MAGI3: variants seen among roughly 807,000 people sequenced by gnomAD.
The protein encoded by MAGI3 is membrane-associated guanylate kinase, WW and PDZ domain-containing protein 3.
In MAGI3, 43 loss-of-function variants were observed where a neutral mutation model predicts 121.8. The ratio of observed to expected loss-of-function variants is 0.35; its 90% confidence interval spans 0.28 to 0.46. The LOEUF is 0.46. MAGI3 is among the 20% of genes least tolerant of loss of function. The probability of loss-of-function intolerance (pLI) is 1.00; values close to 1 mark genes in which losing one functional copy is unlikely to be tolerated. For synonymous variants in MAGI3, 553 were observed against 639.3 expected (o/e 0.86, Z 2.04); for missense variants, 1,547 against 1,797.3 (o/e 0.86, Z 2.52).
chr1:113,671,214 A>G (rs1476639532), intron 16 of MAGI3, among the ~76,000 whole-genome samples: 2 of 152,332 alleles, frequency 1.3e-5, no homozygotes, highest in South Asian at 2.1e-4. Flanking sequence ...GTTAGCACTC[A>G]GGATTCTATA....
intron 9 of MAGI3, among the ~76,000 whole-genome samples, chr1:113,640,679 A>G (rs1652402033): frequency 6.6e-6 from 1 of 151,794 alleles, no homozygotes; most frequent in South Asian, 2.1e-4. Context: ...GAACAATGAG[A>G]ACACATGGAC....
chr1:113,588,896 G>A (rs1472332068), intron 4 of MAGI3, among the ~76,000 whole-genome samples: 2 of 152,114 alleles, frequency 1.3e-5, no homozygotes, highest in Admixed American at 6.5e-5. Context: ...GGCTGCCAAG[G>A]GGTAAAGAGA....
intron 1 of MAGI3, among the ~76,000 whole-genome samples, chr1:113,416,412 A>T (rs1300629978): frequency 1.9e-5 from 2 of 104,558 alleles, no homozygotes; most frequent in Non-Finnish European, 3.7e-5. Flanking sequence ...TTAATTAATA[A>T]TTAATAATTA....
chr1:113,426,111 A>C (rs1652995906), intron 1 of MAGI3, among the ~76,000 whole-genome samples: 1 of 151,890 alleles, frequency 6.6e-6, no homozygotes, highest in African/African-American at 2.4e-5. Flanking sequence ...ATTTTCATTC[A>C]ATTCTGTGTA....
intron 1 of MAGI3, among the ~76,000 whole-genome samples, chr1:113,517,671 A>T (rs1318400202): frequency 6.6e-6 from 1 of 151,878 alleles, no homozygotes; most frequent in East Asian, 1.9e-4. Context: ...TTCACATATC[A>T]TCCATATGTT....
Position 113,642,384 on chromosome 1 carries a change from G to C in MAGI3, c.1834G>C (p.Gly612Arg). The stretch of plus-strand genomic sequence containing the variant: ...GATACTGGATAGTCAGTGGTGTCAA[G>C]GCCTTCAGAAAGGAGATATAATTAA... ...KMILDSQWCQ[G>R]LQKGDIIKEI... The change falls in exon 10 of 21, where the codon GGC (glycine) becomes CGC (arginine). Residue 612 changes from glycine (G) to arginine (R), a missense_variant. Coordinates refer to ENST00000307546, the MANE Select transcript of MAGI3 (RefSeq NM_001142782.2). 1.2e-6 allele frequency: 2 copies of C among 1,614,152 alleles called. No homozygotes were observed. Among genetic ancestry groups the C allele is most frequent in the Non-Finnish European group, 1.7e-6 (2 of 1,180,024 alleles).
chr1:113,524,039 A>G (rs955368697), intron 1 of MAGI3, among the ~76,000 whole-genome samples: 1 of 152,156 alleles, frequency 6.6e-6, no homozygotes, highest in African/African-American at 2.4e-5. Context: ...AGCTCGGGCC[A>G]TGGCTTCAGA....
chr1:113,659,608 T>TA (rs1653675404), intron 16 of MAGI3, among the ~76,000 whole-genome samples: 1 of 152,184 alleles, frequency 6.6e-6, no homozygotes, highest in South Asian at 2.1e-4. Flanking sequence ...GAAAATCCTT[T>TA]AAACAGTTCA....
chr1:113,449,045 G>T (rs953949156), intron 1 of MAGI3, among the ~76,000 whole-genome samples: 4 of 151,626 alleles, frequency 2.6e-5, no homozygotes, highest in Non-Finnish European at 4.4e-5. Flanking sequence ...TTGAACCTGG[G>T]AGGCAGAGGT....
At chr1:113,626,904 T>TGATCTTTTGTGTTGTTTTCTTC (rs1347123066) in intron 9 of MAGI3, among the ~76,000 whole-genome samples, 1 of 152,136 alleles carries the variant, frequency 6.6e-6, no homozygotes, top group East Asian at 1.9e-4. Context: ...TTTGTTTCTT[T>TGATCTTTTGTGTTGTTTTCTTC]GATCTTTTGT....
intron 7 of MAGI3, among the ~76,000 whole-genome samples, chr1:113,617,039 G>A (rs1056642768): frequency 5.3e-5 from 8 of 152,024 alleles, no homozygotes; most frequent in East Asian, 1.9e-4. Flanking sequence ...ATAGGCATGC[G>A]CCACCACACC....
intron 9 of MAGI3, among the ~76,000 whole-genome samples, chr1:113,635,995 T>C (rs1330462681): frequency 1.3e-5 from 2 of 152,184 alleles, no homozygotes; most frequent in Admixed American, 6.5e-5. Flanking sequence ...TTCTTCTAGA[T>C]TTTCTAGTTT....
intron 11 of MAGI3, among the ~76,000 whole-genome samples, chr1:113,644,428 A>G (rs564968348): frequency 4.6e-5 from 7 of 152,104 alleles, no homozygotes; most frequent in Admixed American, 6.5e-5. Context: ...CTACAGGTGC[A>G]CGCCACCACA....
chr1:113,392,531 G>A (rs542366982), intron 1 of MAGI3, among the ~76,000 whole-genome samples: 2 of 152,218 alleles, frequency 1.3e-5, no homozygotes, highest in African/African-American at 4.8e-5. Flanking sequence ...GAGCTTAATG[G>A]GGCTTGATGG....
At chr1:113,408,144 G>A (rs577492179) in intron 1 of MAGI3, among the ~76,000 whole-genome samples, 14 of 152,190 alleles carry the variant, frequency 9.2e-5, no homozygotes, top group South Asian at 6.2e-4. Flanking sequence ...TTCAAGTTCC[G>A]TACTTCAAAG....
intron 1 of MAGI3, among the ~76,000 whole-genome samples, chr1:113,399,978 A>G (rs1651316727): frequency 1.3e-5 from 2 of 152,292 alleles, no homozygotes; most frequent in South Asian, 4.1e-4. Context: ...AATACTTTTT[A>G]ACCATGATTT....
At chr1:113,484,786 A>G (rs1386874745) in intron 1 of MAGI3, among the ~76,000 whole-genome samples, 1 of 144,412 alleles carries the variant, frequency 6.9e-6, no homozygotes, top group African/African-American at 2.6e-5. Context: ...GTGCAGCAGC[A>G]TGATCTTGTC....
intron 6 of MAGI3, among the ~76,000 whole-genome samples, chr1:113,596,804 A>G (rs865984799): frequency 6.6e-6 from 1 of 152,132 alleles, no homozygotes. Flanking sequence ...GTATAACAAA[A>G]AAAAAAACAG....
chr1:113,546,751 C>T (rs748895951), intron 1 of MAGI3, among the ~76,000 whole-genome samples: 5 of 151,908 alleles, frequency 3.3e-5, no homozygotes, highest in Non-Finnish European at 5.9e-5. Context: ...GCAATTCCAG[C>T]CTTGGCCTCT....
Sources: gnomAD v4.1 joint callset for allele counts (sites outside exome capture counted in the v4.1 genomes callset) on GRCh38, gnomAD v4.1.1 for gene constraint, MANE v1.5 for transcripts, NCBI Gene and HGNC (gene_info 2026-07-23, HGNC 2026-07-21) for gene names.